Variants in SYK observed in about 807,000 individuals in gnomAD.
SYK encodes the protein tyrosine-protein kinase SYK.
A neutral mutation model predicts 77.8 loss-of-function variants in SYK; 16 were observed. The ratio of observed to expected loss-of-function variants is 0.21; its 90% CI spans 0.14 to 0.31. The LOEUF (loss-of-function observed/expected upper bound fraction) is 0.31. SYK is among the 10% of genes least tolerant of loss of function. The probability of loss-of-function intolerance (pLI) is 1.00; values close to 1 mark genes in which losing one functional copy is unlikely to be tolerated. For missense variants in SYK, 529 were observed against 814.4 expected (o/e 0.65, Z 4.26); for synonymous variants, 312 against 308.7 (o/e 1.01, Z -0.11).
chr9:90,867,026 T>TA (rs1804234178), intron 6 of SYK, 105 bp from the exon 7 acceptor site: 1 of 1,214,980 alleles, frequency 8.2e-7, no homozygotes, highest in South Asian at 1.3e-5. Flanking sequence ...AGGAGGGGGT[T>TA]AGTGGTGCGA....
At chr9:90,828,328 C>G (rs554358252) in intron 1 of SYK, among the ~76,000 whole-genome samples, 2 of 150,098 alleles carry the variant, frequency 1.3e-5, no homozygotes, top group African/African-American at 2.5e-5. Flanking sequence ...CCTGCAACTG[C>G]GCTGCCCTTC....
chr9:90,871,404 A>C (rs1827721638), intron 7 of SYK, among the ~76,000 whole-genome samples: 1 of 152,216 alleles, frequency 6.6e-6, no homozygotes, highest in Non-Finnish European at 1.5e-5. Context: ...AGTAATGTAG[A>C]CCGGAAATAT....
At chr9:90,862,464 G>A (rs2118786649) in intron 4 of SYK, 120 bp downstream of exon 4, 1 of 1,236,394 alleles carries the variant, frequency 8.1e-7, no homozygotes. Flanking sequence ...GTGGTCCCCA[G>A]GCCAGCAGTA....
At chr9:90,847,571 G>A (rs1335628121) in intron 3 of SYK, among the ~76,000 whole-genome samples, 1 of 152,250 alleles carries the variant, frequency 6.6e-6, no homozygotes, top group Non-Finnish European at 1.5e-5. Context: ...CACCTGCAGG[G>A]CTCACCTGTG....
intron 1 of SYK, among the ~76,000 whole-genome samples, chr9:90,809,435 GCTGTC>G (rs752761811): frequency 1.1e-3 from 167 of 152,316 alleles, no homozygotes; most frequent in Admixed American, 2.4e-3. Flanking sequence ...AAGAGGATCT[GCTGTC>G]CTGCCTAATT....
At chr9:90,853,125 CT>C (rs1826882785) in intron 3 of SYK, among the ~76,000 whole-genome samples, 2 of 151,764 alleles carry the variant, frequency 1.3e-5, no homozygotes, top group Admixed American at 1.3e-4. Context: ...AAAAATCTCT[CT>C]GGGTAAAGGA....
intron 3 of SYK, among the ~76,000 whole-genome samples, chr9:90,851,950 C>T (rs1045571625): frequency 2.0e-5 from 3 of 152,072 alleles, no homozygotes; most frequent in East Asian, 3.9e-4. Flanking sequence ...TTTTTAAAGG[C>T]TGGTCAATAC....
chr9:90,860,577 G>C (rs1399760813), intron 3 of SYK, among the ~76,000 whole-genome samples: 2 of 152,152 alleles, frequency 1.3e-5, no homozygotes, highest in Non-Finnish European at 2.9e-5. Flanking sequence ...TCACAGTGGG[G>C]AGGTTTCAGC....
chr9:90,830,402 G>T lies in SYK; in HGVS notation c.-41-13456G>T, dbSNP rs548858842. ...TTCTTTTGTACAGTGGGATTCTGCC[G>T]CACAAGGCAGTGCCCCCAGCCCTTT... is the stretch of plus-strand genomic sequence containing the variant. On this transcript the variant is annotated intron_variant, in intron 1 of 13. Coordinates refer to ENST00000375754, the MANE Select transcript of SYK (RefSeq NM_003177.7). Among the ~76,000 whole-genome samples the T allele has an allele frequency of 3.9e-5, 6 of 152,326 alleles. No homozygotes were observed. The East Asian group carries it at 1.2e-3, about 29-fold the overall frequency.
chr9:90,804,272 T>C (rs1824730704), intron 1 of SYK, among the ~76,000 whole-genome samples: 1 of 152,232 alleles, frequency 6.6e-6, no homozygotes, highest in Admixed American at 6.5e-5. Context: ...TGTCTCATCT[T>C]TGTAATATAA....
intron 1 of SYK, among the ~76,000 whole-genome samples, chr9:90,828,782 G>T (rs1042238768): frequency 2.0e-5 from 3 of 152,146 alleles, no homozygotes; most frequent in Admixed American, 2.0e-4. Flanking sequence ...CTGCAGAGAT[G>T]TCTCCCAGGT....
chr9:90,843,349 G>A (rs1336419933), intron 1 of SYK, among the ~76,000 whole-genome samples: 4 of 152,202 alleles, frequency 2.6e-5, no homozygotes, highest in Admixed American at 2.6e-4. Flanking sequence ...ACTGCTCGAG[G>A]CAGCGTCTCG....
chr9:90,839,908 G>C (rs1380163439), intron 1 of SYK, among the ~76,000 whole-genome samples: 1 of 152,120 alleles, frequency 6.6e-6, no homozygotes, highest in East Asian at 1.9e-4. Flanking sequence ...ACAGCATCCC[G>C]GTGCAGTCCA....
Position 90,879,023 on chromosome 9 carries a change from T to C in SYK, c.1581+70T>C, listed in dbSNP as rs1587905292. ...ATGCAAGATAAATGTACGTTTTCTT[T>C]ATTTTATTATTGGTATGGTTTCAAA... On this transcript the variant is annotated intron_variant, in intron 11 of 13. Transcript: ENST00000375754. 5.9e-6 allele frequency: 7 copies of C among 1,186,042 alleles called. No homozygotes were observed. The East Asian group carries it at 1.7e-4, about 28-fold the overall frequency. 73.5% of individuals were successfully genotyped at this position (1,186,042 alleles called of 1,614,324 possible). A position where few individuals can be genotyped will look rare whatever the true frequency, so the allele number is the denominator to read the frequency against.
intron 9 of SYK, among the ~76,000 whole-genome samples, chr9:90,877,030 G>C (rs1827963057): frequency 6.6e-6 from 1 of 152,112 alleles, no homozygotes; most frequent in Non-Finnish European, 1.5e-5. Context: ...ACATTCTTCA[G>C]TACTGTTCTT....
chr9:90,829,057 G>C (rs543207571), intron 1 of SYK, among the ~76,000 whole-genome samples: 1 of 152,200 alleles, frequency 6.6e-6, no homozygotes, highest in African/African-American at 2.4e-5. Flanking sequence ...TTGGGATGCC[G>C]AGGTGGGCGG....
At chr9:90,819,187 A>G (rs753204728) in intron 1 of SYK, among the ~76,000 whole-genome samples, 2 of 152,226 alleles carry the variant, frequency 1.3e-5, no homozygotes, top group African/African-American at 4.8e-5. Context: ...AAGTCACTCA[A>G]AATGGATAAA....
At chr9:90,827,468 C>G (rs760681728) in intron 1 of SYK, 2 of 152,206 alleles carry the variant, frequency 1.3e-5, no homozygotes, top group African/African-American at 2.4e-5. Flanking sequence ...TCTGTTTCAG[C>G]TGTTTTCCTT....
chr9:90,834,014 G>T (rs1217140397), intron 1 of SYK, among the ~76,000 whole-genome samples: 1 of 152,192 alleles, frequency 6.6e-6, no homozygotes, highest in Admixed American at 6.5e-5. Flanking sequence ...GAATAAATCT[G>T]ACTCCGTTCT....
Sources: allele counts gnomAD v4.1 joint callset (sites outside exome capture counted in the v4.1 genomes callset), GRCh38; gene constraint gnomAD v4.1.1; transcripts MANE v1.5; gene names NCBI Gene and HGNC (gene_info 2026-07-23, HGNC 2026-07-21).